The following FRMPD2 variants were observed in gnomAD, a reference collection of about 807,000 sequenced individuals.
The protein encoded by FRMPD2 is FERM and PDZ domain containing 2.
In FRMPD2, 96 loss-of-function variants were observed where a neutral mutation model predicts 140.1. The ratio of observed to expected loss-of-function variants is 0.69; its 90% CI spans 0.58 to 0.81. The LOEUF (loss-of-function observed/expected upper bound fraction) is 0.81. Ranked by LOEUF, FRMPD2 falls within the 40% of genes least tolerant of loss-of-function variation. FRMPD2 has a pLI of 0.00. For synonymous variants in FRMPD2, 449 were observed against 547.6 expected, an observed-to-expected ratio of 0.82 and a Z score of 2.52; for missense variants, 1,240 against 1,447.4, an observed-to-expected ratio of 0.86 and a Z score of 2.32.
intron 1 of FRMPD2, among the ~76,000 whole-genome samples, chr10:48,254,391 G>A (rs1461032183): frequency 6.6e-6 from 1 of 152,184 alleles, no homozygotes; most frequent in Non-Finnish European, 1.5e-5. Flanking sequence ...GGTCTGGCAG[G>A]CAGATGAGCC....
intron 14 of FRMPD2, among the ~76,000 whole-genome samples, chr10:48,205,924 A>G (rs1049772554): frequency 2.0e-5 from 3 of 152,260 alleles, no homozygotes; most frequent in African/African-American, 7.2e-5. Flanking sequence ...ACATCAGATA[A>G]TGATACAAAT....
chr10:48,218,376 T>C (rs1312194478), intron 12 of FRMPD2, among the ~76,000 whole-genome samples: 1 of 152,184 alleles, frequency 6.6e-6, no homozygotes, highest in Non-Finnish European at 1.5e-5. Context: ...TCACCAATGA[T>C]GTAGCATCTC....
At chr10:48,189,691 A>G (rs749274093) in intron 16 of FRMPD2, among the ~76,000 whole-genome samples, 12 of 138,670 alleles carry the variant, frequency 8.7e-5, no homozygotes, top group Non-Finnish European at 1.2e-4. Flanking sequence ...TTTTTCTAGT[A>G]AGACTAAGGA....
intron 12 of FRMPD2, among the ~76,000 whole-genome samples, chr10:48,220,820 C>T (rs1363564082): frequency 6.6e-6 from 1 of 152,068 alleles, no homozygotes; most frequent in African/African-American, 2.4e-5. Context: ...TACAAATGGT[C>T]AACAAACACA....
chr10:48,238,175 A>G, intron 7 of FRMPD2, 52 bp from the exon 8 acceptor site: 1 of 1,585,156 alleles, frequency 6.3e-7, no homozygotes. Context: ...AAGGGCTTCC[A>G]TGGCATGAAA....
chr10:48,221,978 T>TGGA (rs1554796572), intron 12 of FRMPD2, among the ~76,000 whole-genome samples: 3 of 136,392 alleles, frequency 2.2e-5, no homozygotes, highest in African/African-American at 5.6e-5. Flanking sequence ...GGATGGATGG[T>TGGA]TGGATGGATG....
chr10:48,188,687 A>G (rs1469111529), intron 16 of FRMPD2, among the ~76,000 whole-genome samples: 1 of 152,210 alleles, frequency 6.6e-6, no homozygotes, highest in Non-Finnish European at 1.5e-5. Context: ...ACAGTCTGGG[A>G]GGAGCCGAGA....
At chr10:48,190,080 G>T (rs1350398851) in intron 16 of FRMPD2, among the ~76,000 whole-genome samples, 1 of 152,162 alleles carries the variant, frequency 6.6e-6, no homozygotes. Flanking sequence ...CCAGAACCCT[G>T]TCAGAAGGGG....
Position 48,156,628 on chromosome 10 carries a change from T to C in FRMPD2, c.*694A>G, listed in dbSNP as rs782815022. The C allele has an allele frequency of 1.5e-5, 3 of 203,076 alleles. No homozygotes were observed. Among genetic ancestry groups the C allele is most frequent in the African/African-American group, 2.4e-5 (1 of 41,298 alleles). The allele number at this position is 203,076 out of a possible 1,614,324, so 12.6% of individuals were successfully genotyped here. On this transcript the variant is annotated 3_prime_UTR_variant, in exon 29 of 29. Coordinates refer to ENST00000374201, the MANE Select transcript of FRMPD2 (RefSeq NM_001018071.4). The stretch of plus-strand genomic sequence containing the variant: ...GAAATGTTACAGTCCATGTAGGAAG[T>C]GCTATGATAGAAGCAGCTGGAGCAC...
At position 48,222,366 on chromosome 10, in the gene FRMPD2, G is replaced by A; in HGVS notation, c.1402C>T (p.Leu468=). The A allele has an allele frequency of 1.2e-6, 2 of 1,614,188 alleles. No homozygotes were observed. ...TGCAAGGCAAGGACCCCCAGCTGCA[G>A]CAGTATCTCTTCATTGCAGTACAGC... is the stretch of plus-strand genomic sequence containing the variant. The part of the protein sequence containing the change: ...ERLYCNEEIL[L]QLGVLALQAE... Residue 468 remains leucine (L), a synonymous_variant, in exon 12 of 29, where the codon CTG becomes TTG. Coordinates refer to ENST00000374201, the MANE Select transcript of FRMPD2 (RefSeq NM_001018071.4).
At chr10:48,229,842 C>A (rs1371999603) in intron 10 of FRMPD2, among the ~76,000 whole-genome samples, 1 of 152,086 alleles carries the variant, frequency 6.6e-6, no homozygotes, top group Non-Finnish European at 1.5e-5. Context: ...TTGCAATCAG[C>A]TACAGTCCAA....
At chr10:48,170,294 G>T (rs1426703244) in intron 26 of FRMPD2, among the ~76,000 whole-genome samples, 1 of 151,972 alleles carries the variant, frequency 6.6e-6, no homozygotes, top group African/African-American at 2.4e-5. Context: ...CTCCCTTCAG[G>T]TTGCCATGGG....
Position 48,187,179 on chromosome 10 carries a change from G to C in FRMPD2, c.2266+13C>G. 2.5e-6 allele frequency: 4 copies of C among 1,602,388 alleles called. No individual in the cohort carries two copies. The highest frequency in any genetic ancestry group is 3.4e-6 in the Non-Finnish European group (4 of 1,170,558). ...TTCCTCCACCCAAGACCTGGTCGTG[G>C]CCTGGCCCATACCTGCATGCATGCT... is the stretch of plus-strand genomic sequence containing the variant. On this transcript the variant is annotated intron_variant, in intron 17 of 28. Coordinates refer to ENST00000374201, the MANE Select transcript of FRMPD2 (RefSeq NM_001018071.4).
chr10:48,255,390 A>T (rs116033674), intron 1 of FRMPD2, among the ~76,000 whole-genome samples: 55 of 152,216 alleles, frequency 3.6e-4, no homozygotes, highest in African/African-American at 1.1e-3. Context: ...CTTGATCTTT[A>T]GTGCTTCCAC....
chr10:48,234,678 AG>A (rs1194615078), intron 9 of FRMPD2, among the ~76,000 whole-genome samples: 1 of 152,136 alleles, frequency 6.6e-6, no homozygotes, highest in African/African-American at 2.4e-5. Context: ...AGGTCTAAAA[AG>A]TATTTTACTG....
chr10:48,217,536 G>C (rs1839478984), intron 12 of FRMPD2, among the ~76,000 whole-genome samples: 1 of 152,106 alleles, frequency 6.6e-6, no homozygotes, highest in African/African-American at 2.4e-5. Flanking sequence ...ATCAATTTAG[G>C]GGCCCATAAT....
At chr10:48,237,537 G>A (rs1044691053) in intron 8 of FRMPD2, among the ~76,000 whole-genome samples, 26 of 152,068 alleles carry the variant, frequency 1.7e-4, no homozygotes, top group Non-Finnish European at 2.8e-4. Context: ...GGCACATTCC[G>A]CCTAACCCTA....
At chr10:48,185,685 CA>C in intron 17 of FRMPD2, 40 bp from the exon 18 acceptor site, 1 of 1,505,326 alleles carries the variant, frequency 6.6e-7, no homozygotes, top group Admixed American at 1.7e-5. Context: ...GCTTTTCCCC[CA>C]AATTATTTGG....
At chr10:48,189,328 C>T (rs888721924) in intron 16 of FRMPD2, among the ~76,000 whole-genome samples, 3 of 152,262 alleles carry the variant, frequency 2.0e-5, no homozygotes, top group Non-Finnish European at 4.4e-5. Context: ...GAGGCAGTGG[C>T]GAAAGGCTTC....
Sources: gnomAD v4.1 joint callset for allele counts (sites outside exome capture counted in the v4.1 genomes callset) on GRCh38, gnomAD v4.1.1 for gene constraint, MANE v1.5 for transcripts, NCBI Gene and HGNC (gene_info 2026-07-23, HGNC 2026-07-21) for gene names.